NELL1: variants seen among roughly 807,000 people sequenced by gnomAD.
NELL1 encodes protein kinase C-binding protein NELL1.
In NELL1, 76 loss-of-function variants were observed where a neutral mutation model predicts 107.4. The observed-to-expected ratio is 0.71, with a 90% confidence interval of 0.59 to 0.86. The LOEUF (loss-of-function observed/expected upper bound fraction) is 0.86, where lower values mean the gene tolerates loss of function less well. Among genes scored for constraint, NELL1 ranks in the 40% least tolerant of loss-of-function variants. NELL1 has a pLI of 0.00. For missense variants in NELL1, 1,024 were observed against 1,005.5 expected (o/e 1.02, Z -0.25); for synonymous variants, 353 against 341.2 (o/e 1.03, Z -0.38).
intron 15 of NELL1, among the ~76,000 whole-genome samples, chr11:21,402,233 C>T (rs1035378216): frequency 2.0e-5 from 3 of 151,930 alleles, no homozygotes; most frequent in Middle Eastern, 3.4e-3. Context: ...CAATTACACT[C>T]TAGAATGATT....
At chr11:21,502,403 T>A (rs1855165529) in intron 15 of NELL1, among the ~76,000 whole-genome samples, 1 of 152,282 alleles carries the variant, frequency 6.6e-6, no homozygotes, top group African/African-American at 2.4e-5. Context: ...AAAATTTGTT[T>A]TACAATTTTG....
At chr11:20,829,223 ATT>A (rs758970966) in intron 3 of NELL1, among the ~76,000 whole-genome samples, 86 of 118,868 alleles carry the variant, frequency 7.2e-4, no homozygotes, top group African/African-American at 2.2e-3. Context: ...CTGCAGGACT[ATT>A]TTTTTTTTTT....
intron 12 of NELL1, among the ~76,000 whole-genome samples, chr11:20,977,466 A>G (rs756862316): frequency 2.0e-5 from 3 of 151,994 alleles, no homozygotes; most frequent in Non-Finnish European, 4.4e-5. Flanking sequence ...GGGTTTCACC[A>G]TGTTAGCCAG....
At chr11:20,849,739 A>T (rs951928113) in intron 4 of NELL1, among the ~76,000 whole-genome samples, 2 of 152,180 alleles carry the variant, frequency 1.3e-5, no homozygotes, top group African/African-American at 4.8e-5. Flanking sequence ...AGGTCAGGAG[A>T]AAAAATGGAC....
chr11:21,556,126 A>G (rs183497497), intron 16 of NELL1, among the ~76,000 whole-genome samples: 7 of 151,904 alleles, frequency 4.6e-5, no homozygotes, highest in Admixed American at 4.6e-4. Flanking sequence ...TGCTTTAGAT[A>G]TTGGAGAGGG....
At chr11:21,113,312 C>G (rs1855150242) in intron 12 of NELL1, among the ~76,000 whole-genome samples, 1 of 151,948 alleles carries the variant, frequency 6.6e-6, no homozygotes, top group South Asian at 2.1e-4. Flanking sequence ...AAAGAGTATT[C>G]TCCTTGGTAA....
intron 12 of NELL1, among the ~76,000 whole-genome samples, chr11:20,973,260 C>T (rs1337577836): frequency 6.6e-6 from 1 of 151,922 alleles, no homozygotes; most frequent in African/African-American, 2.4e-5. Flanking sequence ...AGGCATGCAC[C>T]ACCACCCCTG....
At chr11:21,229,939 T>G (rs1349402734) in intron 14 of NELL1, among the ~76,000 whole-genome samples, 1 of 152,122 alleles carries the variant, frequency 6.6e-6, no homozygotes, top group Non-Finnish European at 1.5e-5. Flanking sequence ...AATTCCTCCT[T>G]CTGGCTTATG....
At chr11:21,246,974 G>A (rs1444584094) in intron 14 of NELL1, among the ~76,000 whole-genome samples, 1 of 152,154 alleles carries the variant, frequency 6.6e-6, no homozygotes. Context: ...ACAACATGTG[G>A]GAATTATGGT....
At chr11:20,814,766 G>A (rs1857586504) in intron 3 of NELL1, among the ~76,000 whole-genome samples, 1 of 152,144 alleles carries the variant, frequency 6.6e-6, no homozygotes, top group African/African-American at 2.4e-5. Context: ...AAACTTGTGA[G>A]CTCATGTGTC....
Position 21,417,361 on chromosome 11 carries a change from A to G in NELL1, c.1645+46413A>G, listed in dbSNP as rs370743254. On this transcript the variant is annotated intron_variant, in intron 15 of 19. Coordinates refer to ENST00000357134, the MANE Select transcript of NELL1 (RefSeq NM_006157.5). ...GGTATTTACTCAGAAGTTACTAGGA[A>G]TCTTTTTATTCATTATTCAAAGTTG... Among the ~76,000 whole-genome samples the G allele has an allele frequency of 2.6e-5, 4 of 151,874 alleles. No homozygotes were observed. The South Asian group carries it at 8.3e-4, about 32-fold the overall frequency.
intron 15 of NELL1, among the ~76,000 whole-genome samples, chr11:21,466,280 G>T (rs75375864): frequency 0.025 from 3,804 of 152,192 alleles, 167 homozygotes; most frequent in African/African-American, 0.085. Flanking sequence ...GACTAGACAT[G>T]GCACCCTACT....
chr11:21,038,367 G>A (rs927116828), intron 12 of NELL1, among the ~76,000 whole-genome samples: 1 of 152,144 alleles, frequency 6.6e-6, no homozygotes, highest in Non-Finnish European at 1.5e-5. Context: ...GTTATAACTA[G>A]TCAATATGTT....
intron 3 of NELL1, among the ~76,000 whole-genome samples, chr11:20,801,387 C>T (rs1161955387): frequency 6.6e-6 from 1 of 152,082 alleles, no homozygotes; most frequent in East Asian, 1.9e-4. Context: ...AAGATTTTGC[C>T]CTTTCAGACC....
At chr11:21,229,862 T>A (rs1857997365) in intron 14 of NELL1, among the ~76,000 whole-genome samples, 1 of 152,176 alleles carries the variant, frequency 6.6e-6, no homozygotes, top group South Asian at 2.1e-4. Context: ...TTGCTCAGCG[T>A]CTGGGAGCAG....
At chr11:20,936,780 C>T (rs931249047) in intron 9 of NELL1, among the ~76,000 whole-genome samples, 3 of 152,156 alleles carry the variant, frequency 2.0e-5, no homozygotes, top group African/African-American at 7.2e-5. Flanking sequence ...AACTGAGCAT[C>T]CCGTGAGAAT....
Position 21,128,808 on chromosome 11 carries a change from T to C in NELL1, c.1426+15094T>C, listed in dbSNP as rs535865304. Among the ~76,000 whole-genome samples, 92 of 152,314 alleles carry C rather than the reference T, an allele frequency of 6.0e-4. 1 individual carries two copies. The highest frequency in any genetic ancestry group is 3.5e-3 in the South Asian group (17 of 4,824). On this transcript the variant is annotated intron_variant, in intron 13 of 19. Transcript: ENST00000357134. ...CAGGGGAGGGAATCAAGTCAAGATT[T>C]ACCCTGTAATGCTTTTCTTGGCCTC... is the stretch of plus-strand genomic sequence containing the variant.
intron 2 of NELL1, among the ~76,000 whole-genome samples, chr11:20,728,707 A>C (rs181522893): frequency 2.0e-5 from 3 of 151,726 alleles, no homozygotes; most frequent in Admixed American, 2.0e-4. Context: ...TGTTTTGGTT[A>C]CTGTAGTCTC....
intron 12 of NELL1, among the ~76,000 whole-genome samples, chr11:20,993,446 A>G (rs1852021069): frequency 6.6e-6 from 1 of 152,140 alleles, no homozygotes; most frequent in African/African-American, 2.4e-5. Context: ...TTAATTAGAC[A>G]TGATGGCCAT....
Sources: allele counts gnomAD v4.1 joint callset (sites outside exome capture counted in the v4.1 genomes callset), GRCh38; gene constraint gnomAD v4.1.1; transcripts MANE v1.5; gene names NCBI Gene and HGNC (gene_info 2026-07-23, HGNC 2026-07-21).